Variants in LY96 observed in about 807,000 individuals in gnomAD.
LY96 encodes lymphocyte antigen 96, also known as myeloid differentiation protein-2.
Under a neutral mutation model 18.9 loss-of-function variants are expected in LY96, and 18 were observed. That is an observed-to-expected ratio of 0.95 (90% confidence interval 0.66 to 1.41). The LOEUF is 1.41. Ranked by LOEUF, LY96 falls within the 40% of genes most tolerant of loss-of-function variation. The probability of loss-of-function intolerance (pLI) is 0.00; values close to 1 mark genes in which losing one functional copy is unlikely to be tolerated. For synonymous variants in LY96, 66 were observed against 62.6 expected, an observed-to-expected ratio of 1.06 and a Z score of -0.26; for missense variants, 175 against 182.4, an observed-to-expected ratio of 0.96 and a Z score of 0.23.
intron 3 of LY96, among the ~76,000 whole-genome samples, chr8:74,014,797 A>T (rs1008272681): frequency 2.7e-5 from 4 of 150,108 alleles, no homozygotes; most frequent in African/African-American, 9.9e-5. Context: ...AAAGTTACCC[A>T]TAATCTCACC....
the LY96 span, among the ~76,000 whole-genome samples, chr8:74,076,627 A>G: frequency 6.6e-6 from 1 of 152,058 alleles, no homozygotes; most frequent in African/African-American, 2.4e-5. Flanking sequence ...GCCCACCCCG[A>G]GATACTTTTG....
chr8:73,996,648 A>G (rs1299676057), intron 1 of LY96, among the ~76,000 whole-genome samples: 1 of 150,284 alleles, frequency 6.7e-6, no homozygotes. Context: ...TGAACTCCTG[A>G]CCTCAAATGA....
chr8:74,027,223 G>A (rs759182600), intron 4 of LY96, among the ~76,000 whole-genome samples: 1 of 151,842 alleles, frequency 6.6e-6, no homozygotes, highest in Non-Finnish European at 1.5e-5. Context: ...TACAAGTATG[G>A]GCAGTTGTGC....
chr8:74,098,000 A>G, the LY96 span, among the ~76,000 whole-genome samples: 1 of 152,174 alleles, frequency 6.6e-6, no homozygotes, highest in African/African-American at 2.4e-5. Flanking sequence ...TAGAGCAGGT[A>G]TGGTTTTTCA....
At chr8:74,041,043 C>T in the LY96 span, among the ~76,000 whole-genome samples, 1 of 152,056 alleles carries the variant, frequency 6.6e-6, no homozygotes, top group South Asian at 2.1e-4. Context: ...AGTCAGGGAC[C>T]CCAAACGGAG....
chr8:74,075,767 G>A, the LY96 span, among the ~76,000 whole-genome samples: 1 of 152,126 alleles, frequency 6.6e-6, no homozygotes, highest in Admixed American at 6.5e-5. Flanking sequence ...AAATGATTGT[G>A]GGAATGCTGA....
the LY96 span, among the ~76,000 whole-genome samples, chr8:74,087,511 G>T: frequency 1.3e-5 from 2 of 152,146 alleles, no homozygotes; most frequent in African/African-American, 4.8e-5. Flanking sequence ...GAATCCCGGG[G>T]TCCCACCTGA....
chr8:74,082,914 G>C, the LY96 span, among the ~76,000 whole-genome samples: 1 of 152,150 alleles, frequency 6.6e-6, no homozygotes, highest in East Asian at 1.9e-4. Context: ...TATAGGAAGG[G>C]TACTTTTCAA....
the LY96 span, among the ~76,000 whole-genome samples, chr8:74,073,681 T>TTTATTTA: frequency 4.9e-5 from 7 of 141,996 alleles, no homozygotes; most frequent in South Asian, 1.5e-3. Flanking sequence ...TTATTTATTT[T>TTTATTTA]GAGACGGAGT....
At chr8:74,021,506 A>G (rs1283638507) in intron 3 of LY96, among the ~76,000 whole-genome samples, 2 of 152,254 alleles carry the variant, frequency 1.3e-5, no homozygotes, top group Non-Finnish European at 2.9e-5. Flanking sequence ...TGTGGAAGAC[A>G]GTGTGGCAAT....
chr8:74,047,958 C>T, the LY96 span, among the ~76,000 whole-genome samples: 3,449 of 152,212 alleles, frequency 0.023, 131 homozygotes, highest in African/African-American at 0.076. Flanking sequence ...GTGGCATAAT[C>T]ACAGCTTACA....
chr8:74,081,195 C>T, the LY96 span, among the ~76,000 whole-genome samples: 1 of 144,376 alleles, frequency 6.9e-6, no homozygotes, highest in African/African-American at 2.6e-5. Context: ...TTCCTTCCTT[C>T]CTTCTTTCCT....
At chr8:74,078,904 TTC>T in the LY96 span, among the ~76,000 whole-genome samples, 227 of 152,102 alleles carry the variant, frequency 1.5e-3, no homozygotes, top group African/African-American at 5.2e-3. Context: ...CCTAAGGGCT[TTC>T]TCTCTCTCTC....
intron 3 of LY96, among the ~76,000 whole-genome samples, chr8:74,022,986 C>T (rs909014125): frequency 6.6e-6 from 1 of 152,172 alleles, no homozygotes; most frequent in Non-Finnish European, 1.5e-5. Context: ...GAGTCCAGGG[C>T]CCCATATACG....
chr8:74,060,445 A>G, the LY96 span, among the ~76,000 whole-genome samples: 1 of 152,228 alleles, frequency 6.6e-6, no homozygotes, highest in Non-Finnish European at 1.5e-5. Context: ...ATATCACAAT[A>G]CTTTTCACTC....
At chr8:74,052,122 T>C in the LY96 span, among the ~76,000 whole-genome samples, 2 of 151,880 alleles carry the variant, frequency 1.3e-5, no homozygotes, top group East Asian at 3.9e-4. Flanking sequence ...AAGAGGTTAT[T>C]TTGGAGAAGG....
chr8:74,083,836 C>T, the LY96 span, among the ~76,000 whole-genome samples: 1 of 151,952 alleles, frequency 6.6e-6, no homozygotes, highest in Non-Finnish European at 1.5e-5. Context: ...GGACCACAGG[C>T]ATGTGCCCCC....
downstream of LY96, among the ~76,000 whole-genome samples, chr8:74,032,382 G>A (rs368307919): frequency 5.3e-5 from 8 of 152,292 alleles, no homozygotes; most frequent in Non-Finnish European, 8.8e-5. Flanking sequence ...GGCGTGCTGC[G>A]CCCTGGGCCT....
At chr8:74,020,565 A>C (rs1816738116) in intron 3 of LY96, among the ~76,000 whole-genome samples, 3 of 152,214 alleles carry the variant, frequency 2.0e-5, no homozygotes. Context: ...ATTGGAGAAA[A>C]CTACTTTAAA....
Sources: allele counts gnomAD v4.1 joint callset (sites outside exome capture counted in the v4.1 genomes callset), GRCh38; gene constraint gnomAD v4.1.1; transcripts MANE v1.5; gene names NCBI Gene and HGNC (gene_info 2026-07-23, HGNC 2026-07-21).